The following SPMIP11 variants were observed in gnomAD, a reference collection of about 807,000 sequenced individuals.
SPMIP11 encodes the protein long intergenic non-protein coding RNA 935.
chr12:48,769,053 T>G, the SPMIP11 span: 1 of 1,612,170 alleles, frequency 6.2e-7, no homozygotes, highest in African/African-American at 1.3e-5. Flanking sequence ...ACTGGGCCCA[T>G]GTTCAGCCCT....
At chr12:48,747,647 C>CTTGGCTACCCTCTGCCAAGT in the SPMIP11 span, among the ~76,000 whole-genome samples, 1 of 152,166 alleles carries the variant, frequency 6.6e-6, no homozygotes, top group Non-Finnish European at 1.5e-5. Context: ...ATTCAGGCAA[C>CTTGGCTACCCTCTGCCAAGT]TTGGCTACCC....
the SPMIP11 span, among the ~76,000 whole-genome samples, chr12:48,741,972 T>C: frequency 6.6e-6 from 1 of 152,214 alleles, no homozygotes; most frequent in African/African-American, 2.4e-5. Context: ...TTTCACCCAC[T>C]GATTTTAGTA....
the SPMIP11 span, chr12:48,770,718 C>G: frequency 6.3e-7 from 1 of 1,580,968 alleles, no homozygotes; most frequent in South Asian, 1.1e-5. Flanking sequence ...CCCAGCTTCA[C>G]CTGGAAAAAG....
chr12:48,727,485 CCTT>C, the SPMIP11 span: 1 of 702,950 alleles, frequency 1.4e-6, no homozygotes, highest in East Asian at 2.7e-5. Flanking sequence ...TCTGAGATGG[CCTT>C]CTTCAACTTG....
At chr12:48,747,123 C>A in the SPMIP11 span, among the ~76,000 whole-genome samples, 28 of 152,028 alleles carry the variant, frequency 1.8e-4, no homozygotes, top group Non-Finnish European at 1.6e-4. Context: ...CTTGGAGAGG[C>A]CCACTTTATT....
chr12:48,759,969 G>T, the SPMIP11 span, among the ~76,000 whole-genome samples: 1 of 152,034 alleles, frequency 6.6e-6, no homozygotes, highest in South Asian at 2.1e-4. Context: ...ACCATACCTG[G>T]CTAATTTTTG....
chr12:48,743,295 G>C, the SPMIP11 span, among the ~76,000 whole-genome samples: 1 of 151,470 alleles, frequency 6.6e-6, no homozygotes, highest in Non-Finnish European at 1.5e-5. Flanking sequence ...TTGGGAGGCT[G>C]AGATGGGAAG....
At chr12:48,751,194 T>C in the SPMIP11 span, among the ~76,000 whole-genome samples, 1 of 152,278 alleles carries the variant, frequency 6.6e-6, no homozygotes, top group South Asian at 2.1e-4. Context: ...AGTCAACACG[T>C]GTAATCAAAC....
the SPMIP11 span, chr12:48,768,399 C>A: frequency 1.3e-6 from 1 of 742,762 alleles, no homozygotes; most frequent in Non-Finnish European, 2.2e-6. Flanking sequence ...ATAATCCTCT[C>A]GGTAGGTAGC....
the SPMIP11 span, chr12:48,759,344 G>A: frequency 1.4e-6 from 1 of 702,710 alleles, no homozygotes; most frequent in African/African-American, 1.7e-5. Flanking sequence ...AAGTACCTTG[G>A]GGTGGGCATC....
At chr12:48,736,738 C>A in the SPMIP11 span, among the ~76,000 whole-genome samples, 1 of 151,140 alleles carries the variant, frequency 6.6e-6, no homozygotes, top group East Asian at 1.9e-4. Flanking sequence ...CCTGTTCCTG[C>A]AATATGCCAA....
the SPMIP11 span, chr12:48,764,721 C>A: frequency 4.4e-5 from 27 of 609,328 alleles, no homozygotes; most frequent in East Asian, 7.2e-4. Flanking sequence ...ACCACACTCC[C>A]AGGACCTCTC....
chr12:48,745,298 A>C, the SPMIP11 span, among the ~76,000 whole-genome samples: 3 of 151,944 alleles, frequency 2.0e-5, no homozygotes, highest in Non-Finnish European at 2.9e-5. Flanking sequence ...AAGAGAATAA[A>C]AAGATGTTTC....
chr12:48,747,195 T>C, the SPMIP11 span, among the ~76,000 whole-genome samples: 1 of 152,118 alleles, frequency 6.6e-6, no homozygotes, highest in Non-Finnish European at 1.5e-5. Flanking sequence ...TCTCCTTATG[T>C]TGCCCAGGCT....
At chr12:48,728,136 A>G in the SPMIP11 span, among the ~76,000 whole-genome samples, 1 of 152,310 alleles carries the variant, frequency 6.6e-6, no homozygotes, top group East Asian at 1.9e-4. Context: ...TTTGTTAAGC[A>G]CCAGGCTTTA....
chr12:48,727,885 A>G, the SPMIP11 span, among the ~76,000 whole-genome samples: 114 of 152,162 alleles, frequency 7.5e-4, no homozygotes, highest in African/African-American at 2.6e-3. Flanking sequence ...CCACATCTCT[A>G]TGAAAAGTTA....
At chr12:48,733,153 C>T in the SPMIP11 span, among the ~76,000 whole-genome samples, 1 of 145,532 alleles carries the variant, frequency 6.9e-6, no homozygotes, top group African/African-American at 2.6e-5. Flanking sequence ...GGGCTCACTG[C>T]AACCTCTGCC....
the SPMIP11 span, among the ~76,000 whole-genome samples, chr12:48,735,325 A>G: frequency 6.6e-6 from 1 of 152,034 alleles, no homozygotes. Flanking sequence ...TGTTGTTTTC[A>G]GGCCGGGCAC....
At chr12:48,766,951 A>G in the SPMIP11 span, 2 of 152,372 alleles carry the variant, frequency 1.3e-5, no homozygotes, top group South Asian at 4.1e-4. Flanking sequence ...AAAGACAGGA[A>G]GGGAATCTAG....
Sources: allele counts gnomAD v4.1 joint callset (sites outside exome capture counted in the v4.1 genomes callset), GRCh38; gene constraint gnomAD v4.1.1; transcripts MANE v1.5; gene names NCBI Gene and HGNC (gene_info 2026-07-23, HGNC 2026-07-21).